MYH4: variants seen among roughly 807,000 people sequenced by gnomAD.
The protein encoded by MYH4 is myosin-4.
In MYH4, 200 loss-of-function variants were observed where a neutral mutation model predicts 229.9. The ratio of observed to expected loss-of-function variants is 0.87; its 90% CI spans 0.78 to 0.98. MYH4 has a LOEUF of 0.98. Ranked by LOEUF, MYH4 falls within the 50% of genes least tolerant of loss-of-function variation. MYH4 has a pLI of 0.00. For synonymous variants in MYH4, 761 were observed against 834.6 expected (o/e 0.91, Z 1.52); for missense variants, 2,148 against 2,332.6 (o/e 0.92, Z 1.63).
chr17:10,466,889 C>T, intron 2 of MYH4, 105 bp from the exon 3 acceptor site: 1 of 1,058,772 alleles, frequency 9.4e-7, no homozygotes, highest in African/African-American at 1.6e-5. Context: ...TTTCCTCACC[C>T]CTGCCTTTAG....
In MYH4 at chr17:10,443,393, T is replaced by G; in HGVS notation, c.5802A>C (p.Lys1934Asn). The change falls in exon 40 of 40, where the codon AAA becomes AAC. Residue 1934 changes from lysine (K) to asparagine (N), a missense_variant. Coordinates refer to ENST00000255381, the MANE Select transcript of MYH4 (RefSeq NM_017533.2). The surrounding 1 kb of genome is among the most constrained non-coding windows in gnomAD (Gnocchi z 4.6). ...GAATGAATTACTCTTCACTTATGAC[T>G]TTTGTGTGAACCTCCCGACTCTTCA... Reference protein sequence around the residue: ...LRVKSREVHTKVISEE With the variant: ...LRVKSREVHTNVISEE 6.2e-7 allele frequency: 1 copy of G among 1,614,066 alleles called. No homozygotes were observed. The highest frequency in any genetic ancestry group is 8.5e-7 in the Non-Finnish European group (1 of 1,180,002).
intron 4 of MYH4, among the ~76,000 whole-genome samples, chr17:10,466,044 G>A (rs2072762674): frequency 1.3e-5 from 2 of 152,050 alleles, no homozygotes; most frequent in African/African-American, 4.8e-5. Context: ...AAAGTGCTGG[G>A]ATTACAGGCG....
chr17:10,451,860 T>A (rs887578204), intron 27 of MYH4, 81 bp downstream of exon 27: 43 of 1,501,536 alleles, frequency 2.9e-5, no homozygotes, highest in Non-Finnish European at 3.0e-5. Context: ...TTGTGTAATT[T>A]GGCTAAAAAT....
intron 11 of MYH4, 33 bp from the exon 12 acceptor site, chr17:10,461,087 T>C: frequency 6.2e-7 from 1 of 1,612,056 alleles, no homozygotes; most frequent in Non-Finnish European, 8.5e-7. Flanking sequence ...TCATCCCCAA[T>C]TAGCACCATG....
Position 10,456,518 on chromosome 17 carries a change from AC to A in MYH4, c.1934del (p.Gly645ValfsTer15). The A allele has an allele frequency of 1.9e-6, 3 of 1,614,032 alleles. No homozygotes were observed. Among genetic ancestry groups the A allele is most frequent in the Non-Finnish European group, 2.5e-6 (3 of 1,179,948 alleles). ...GAGCTGACACTGTCTGGAAAGAAGA[AC>A]CCTTCTTTTTGCCACCTTTCTTTCC... The part of the protein sequence containing the change: ...GGGKKGGKKK[G>X]SSFQTVSALF... On this transcript the variant is annotated frameshift_variant, in exon 17 of 40. Transcript: ENST00000255381. LOFTEE classifies it high-confidence loss of function.
At chr17:10,467,118 T>G (rs2072776094) in intron 2 of MYH4, among the ~76,000 whole-genome samples, 1 of 152,244 alleles carries the variant, frequency 6.6e-6, no homozygotes, top group African/African-American at 2.4e-5. Flanking sequence ...CTACTTTTCT[T>G]TTCTTTCTTA....
intron 35 of MYH4, 45 bp downstream of exon 35, chr17:10,446,968 C>T: frequency 1.9e-6 from 3 of 1,555,536 alleles, no homozygotes; most frequent in South Asian, 2.3e-5. Context: ...AAATTATCTT[C>T]AGCTTCAGGG....
rs147766138 is a variant in MYH4, at chr17:10,451,703, A to G, written c.3738+238T>C. On this transcript the variant is annotated intron_variant, in intron 27 of 39. Transcript: ENST00000255381. ...GCATCATTTAGAGTATGGTTTTTAG[A>G]TAAACCTTTTTTGTAATTACATTTT... is the stretch of plus-strand genomic sequence containing the variant. Among the ~76,000 whole-genome samples, 23 of 152,300 alleles carry G rather than the reference A, an allele frequency of 1.5e-4. No individual in the cohort carries two copies. In the East Asian group the frequency reaches 3.1e-3, roughly 20 times the overall value.
rs201777804 is a variant in MYH4, at chr17:10,456,529, T to A, written c.1924A>T (p.Lys642Ter). The A allele has an allele frequency of 5.3e-5, 86 of 1,613,942 alleles. No homozygotes were observed. The highest frequency in any genetic ancestry group is 6.9e-5 in the Non-Finnish European group (82 of 1,179,976). Reference sequence around the variant, plus strand: ...GTCTGGAAAGAAGAACCCTTCTTTTTGCCACCTTTCTTTCCACCACCACCC... The same window carrying A: ...GTCTGGAAAGAAGAACCCTTCTTTTAGCCACCTTTCTTTCCACCACCACCC... ...AEGGGGKKGG[K>*]KKGSSFQTVS... Residue 642 changes from lysine to a stop codon, truncating the protein, a stop_gained, in exon 17 of 40, where the codon AAA becomes TAA. Coordinates refer to ENST00000255381, the MANE Select transcript of MYH4 (RefSeq NM_017533.2). LOFTEE classifies it high-confidence loss of function.
Position 10,456,651 on chromosome 17 carries a change from A to T in MYH4, c.1898-96T>A, listed in dbSNP as rs1474244642. On this transcript the variant is annotated intron_variant, in intron 16 of 39. Coordinates refer to ENST00000255381, the MANE Select transcript of MYH4 (RefSeq NM_017533.2). ...CTGCCAAAATTCCCTTTAGAATTTA[A>T]ATTTGCACTCATTCACTTGCATCAT... 21 of 906,906 alleles carry T rather than the reference A, an allele frequency of 2.3e-5. No homozygotes were observed. In the East Asian group the frequency reaches 5.1e-4, roughly 22 times the overall value. 56.2% of individuals were successfully genotyped at this position (906,906 alleles called of 1,614,324 possible).
Position 10,466,823 on chromosome 17 carries a change from G to T in MYH4, c.-39-39C>A. 3 of 1,551,084 alleles carry T rather than the reference G, an allele frequency of 1.9e-6. No individual in the cohort carries two copies. The South Asian group carries it at 3.4e-5, about 18-fold the overall frequency. ...CAGAGCCAAATGATGATTCAGGGTTGGGGTGGAGAATTGTTCTGTTGATTT... is the reference window on the plus strand; with the variant it reads ...CAGAGCCAAATGATGATTCAGGGTTTGGGTGGAGAATTGTTCTGTTGATTT... On this transcript the variant is annotated intron_variant, in intron 2 of 39. Coordinates refer to ENST00000255381, the MANE Select transcript of MYH4 (RefSeq NM_017533.2).
At chr17:10,467,757 A>G (rs1485035646) in intron 2 of MYH4, among the ~76,000 whole-genome samples, 2 of 152,218 alleles carry the variant, frequency 1.3e-5, no homozygotes, top group Non-Finnish European at 2.9e-5. Flanking sequence ...ATAAAGTTTC[A>G]AGCCAAAATG....
At position 10,451,981 on chromosome 17, in the gene MYH4, T is replaced by G; in HGVS notation, c.3698A>C (p.Asn1233Thr). Residue 1233 changes from asparagine (N) to threonine (T), a missense_variant, in exon 27 of 40, where the codon AAT becomes ACT. Asn to Thr is a moderately conservative substitution (Grantham distance 65). Coordinates refer to ENST00000255381, the MANE Select transcript of MYH4 (RefSeq NM_017533.2). ...KEKSELKMEI[N>T]DLASNMETVS... is the part of the protein sequence containing the mutation. ...AGTCTCCATGTTACTAGCAAGGTCA[T>G]TGATCTCCATCTTCAGCTCACTCTT... is the stretch of plus-strand genomic sequence containing the variant. The G allele has an allele frequency of 6.2e-7, 1 of 1,613,464 alleles. No homozygotes were observed. Among genetic ancestry groups the G allele is most frequent in the Non-Finnish European group, 8.5e-7 (1 of 1,179,656 alleles).
At chr17:10,449,131 A>T (rs537738839) in intron 30 of MYH4, 84 bp from the exon 31 acceptor site, 1 of 1,169,510 alleles carries the variant, frequency 8.6e-7, no homozygotes, top group Non-Finnish European at 1.2e-6. Context: ...CTAGGAAAGC[A>T]TATTTCCCCA....
In MYH4 at chr17:10,447,983, T is replaced by C; in HGVS notation, c.4800A>G (p.Ser1600=). ...TCTCAGCATCCAGTGTACTCTGCAT[T>C]GACTCCACAACTCTGAGATGGTTCC... is the stretch of plus-strand genomic sequence containing the variant. ...LKRNHLRVVE[S]MQSTLDAEIR... Residue 1600 remains serine, a synonymous_variant, in exon 34 of 40, where the codon TCA becomes TCG. Coordinates refer to ENST00000255381, the MANE Select transcript of MYH4 (RefSeq NM_017533.2). 3 of 1,614,064 alleles carry C rather than the reference T, an allele frequency of 1.9e-6. No individual in the cohort carries two copies. The highest frequency in any genetic ancestry group is 2.5e-6 in the Non-Finnish European group (3 of 1,179,986).
At chr17:10,463,041 T>C in intron 10 of MYH4, 49 bp downstream of exon 10, 1 of 1,591,094 alleles carries the variant, frequency 6.3e-7, no homozygotes, top group Non-Finnish European at 8.6e-7. Flanking sequence ...AGAGGCTTCT[T>C]AGAAGGGCTG....
intron 35 of MYH4, among the ~76,000 whole-genome samples, chr17:10,446,387 T>C (rs1439017777): frequency 1.3e-5 from 2 of 152,308 alleles, no homozygotes; most frequent in Admixed American, 6.5e-5. Flanking sequence ...TATATGTTTA[T>C]ACGGGAAAAA....
chr17:10,466,604 C>T lies in MYH4; in HGVS notation c.142G>A (p.Val48Met), dbSNP rs781161200. 55 of 1,613,932 alleles carry T rather than the reference C, an allele frequency of 3.4e-5. No individual in the cohort carries two copies. In the South Asian group the frequency reaches 4.4e-4, roughly 13 times the overall value. The change falls in exon 3 of 40, where the codon GTG becomes ATG. Residue 48 changes from valine to methionine, a missense_variant. By Grantham distance (21) the Val-to-Met change is conservative (BLOSUM62 1). Coordinates refer to ENST00000255381, the MANE Select transcript of MYH4 (RefSeq NM_017533.2). Reference sequence around the variant, plus strand: ...TCCCTGCTCTGCACTATTGCTTTCACGTAGGACTCCTTAGGGTCCACCACA... The same window carrying T: ...TCCCTGCTCTGCACTATTGCTTTCATGTAGGACTCCTTAGGGTCCACCACA... ...VFVVDPKESY[V>M]KAIVQSREGG...
Position 10,450,893 on chromosome 17 carries a change from C to T in MYH4, c.3868G>A (p.Glu1290Lys). The part of the protein sequence containing the change: ...QKARLHTESG[E>K]FSRQLDEKDA... ...TTTTCATCTAGCTGTCGTGAAAACT[C>T]ACCTGTGGAAGACAAAACATCAATG... The change falls in exon 29 of 40, where the codon GAG (glutamate) becomes AAG (lysine). Residue 1290 changes from glutamate (E) to lysine (K), a missense_variant and splice_region_variant. Transcript: ENST00000255381. The T allele has an allele frequency of 6.2e-7, 1 of 1,610,678 alleles. No individual in the cohort carries two copies. The highest frequency in any genetic ancestry group is 8.5e-7 in the Non-Finnish European group (1 of 1,177,024).
Sources: gnomAD v4.1 joint callset for allele counts (sites outside exome capture counted in the v4.1 genomes callset) on GRCh38, gnomAD v4.1.1 for gene constraint, Gnocchi (gnomAD v3.1) non-coding constraint, MANE v1.5 for transcripts, NCBI Gene and HGNC (gene_info 2026-07-23, HGNC 2026-07-21) for gene names.